MICAL2: variants seen among roughly 807,000 people sequenced by gnomAD.
MICAL2 encodes microtubule associated monooxygenase, calponin and LIM domain containing 2.
MICAL2 carries 77 observed loss-of-function variants against 127.3 expected under a neutral mutation model. The ratio of observed to expected loss-of-function variants is 0.60; its 90% confidence interval spans 0.50 to 0.73. The LOEUF (loss-of-function observed/expected upper bound fraction) is 0.73. MICAL2 is among the 30% of genes least tolerant of loss of function. The pLI, the probability that MICAL2 is intolerant of heterozygous loss-of-function variation, is 0.00. For missense variants in MICAL2, 1,351 were observed against 1,434.4 expected (o/e 0.94, Z 0.94); for synonymous variants, 570 against 551.1 (o/e 1.03, Z -0.48).
chr11:12,191,809 A>G (rs915516598), intron 3 of MICAL2, among the ~76,000 whole-genome samples: 2 of 152,074 alleles, frequency 1.3e-5, no homozygotes, highest in Non-Finnish European at 2.9e-5. Context: ...GGGTTATGAT[A>G]AGCACCATGC....
rs182396108 is a variant in MICAL2, at chr11:12,194,694, G to T, written c.265-9556G>T. On this transcript the variant is annotated intron_variant, in intron 3 of 27. Coordinates refer to ENST00000683283, the MANE Select transcript of MICAL2 (RefSeq NM_001282663.2). The stretch of plus-strand genomic sequence containing the variant: ...ACCCTGTGTCTTTTGTTCTCCAGAA[G>T]AAGATCGCTGGCCAGATCCAGGCCT... Among the ~76,000 whole-genome samples, 26 of 152,158 alleles carry T rather than the reference G, an allele frequency of 1.7e-4. No homozygotes were observed. The East Asian group carries it at 5.0e-3, about 29-fold the overall frequency.
intron 15 of MICAL2, 101 bp from the exon 16 acceptor site, chr11:12,236,076 T>C (rs1232329386): frequency 1.0e-6 from 1 of 969,560 alleles, no homozygotes; most frequent in Admixed American, 1.8e-5. Flanking sequence ...GGACACATCC[T>C]CAGCGCCAGC....
chr11:12,358,325 A>C (rs1470728177), exon 35 of MICAL2: 1 of 1,614,146 alleles, frequency 6.2e-7, no homozygotes, highest in East Asian at 2.2e-5. Context: ...GATCTAAACG[A>C]AGAGCAAGAA....
intron 31 of MICAL2, chr11:12,324,122 G>A (rs1319748711): frequency 4.4e-6 from 7 of 1,575,642 alleles, no homozygotes; most frequent in African/African-American, 1.4e-5. Context: ...AGGATCCTGG[G>A]ACTCTGGATG....
At chr11:12,302,907 A>T (rs942392748) in intron 29 of MICAL2, among the ~76,000 whole-genome samples, 3 of 152,194 alleles carry the variant, frequency 2.0e-5, no homozygotes, top group East Asian at 1.9e-4. Flanking sequence ...GAAATACCTG[A>T]GACTGCATAA....
chr11:12,286,148 G>T (rs76065582), intron 2 of MICAL2, among the ~76,000 whole-genome samples: 1 of 152,148 alleles, frequency 6.6e-6, no homozygotes, highest in Non-Finnish European at 1.5e-5. Context: ...CTGGCAGAGG[G>T]GTCTTCCACA....
upstream of MICAL2, among the ~76,000 whole-genome samples, chr11:12,272,819 C>A (rs114241860): frequency 1.1e-4 from 16 of 151,356 alleles, no homozygotes; most frequent in Non-Finnish European, 2.1e-4. Context: ...TGGCCACCTG[C>A]GACAAGTTCT....
chr11:12,277,698 G>C (rs904794154), intron 1 of MICAL2, among the ~76,000 whole-genome samples: 1 of 152,178 alleles, frequency 6.6e-6, no homozygotes. Context: ...TATAAGACAA[G>C]GTAAGGAGTT....
intron 31 of MICAL2, among the ~76,000 whole-genome samples, chr11:12,325,116 T>G (rs562938889): frequency 6.6e-5 from 10 of 152,188 alleles, no homozygotes; most frequent in Non-Finnish European, 1.5e-4. Flanking sequence ...TGTTTTTTGG[T>G]TTTTTATTTT....
At chr11:12,264,940 C>G (rs1009154086), downstream of MICAL2, among the ~76,000 whole-genome samples, 4 of 152,218 alleles carry the variant, frequency 2.6e-5, no homozygotes, top group Non-Finnish European at 5.9e-5. Flanking sequence ...TAGATGAGAT[C>G]TGTTATATTT....
At chr11:12,184,366 G>T (rs1857886654) in intron 3 of MICAL2, among the ~76,000 whole-genome samples, 2 of 152,144 alleles carry the variant, frequency 1.3e-5, no homozygotes, top group Admixed American at 1.3e-4. Context: ...GTTAAGTACG[G>T]GCATCTGTGT....
At chr11:12,287,735 C>T (rs561059075), downstream of MICAL2, among the ~76,000 whole-genome samples, 6 of 152,328 alleles carry the variant, frequency 3.9e-5, 1 homozygote, top group South Asian at 1.2e-3. Flanking sequence ...GCTGAGGCGG[C>T]AGGCCCTGCC....
chr11:12,213,157 G>A (rs954428), intron 6 of MICAL2, 98 bp from the exon 7 acceptor site: 611,376 of 1,363,014 alleles, frequency 0.45, 147,601 homozygotes, highest in Non-Finnish European at 0.5. Context: ...GGTTTCACTG[G>A]CCTGGGAGGC....
At chr11:12,240,903 GC>G (rs1859830785) in intron 17 of MICAL2, 136 bp from the exon 18 acceptor site, 7 of 1,158,176 alleles carry the variant, frequency 6.0e-6, no homozygotes, top group African/African-American at 1.5e-5. Flanking sequence ...CGGGAGCTCA[GC>G]CCAGTGCTTC....
At chr11:12,130,361 C>T (rs989184067) in intron 1 of MICAL2, among the ~76,000 whole-genome samples, 1 of 152,030 alleles carries the variant, frequency 6.6e-6, no homozygotes, top group African/African-American at 2.4e-5. Flanking sequence ...GGAGCCTGGC[C>T]AGGGGCCTGC....
chr11:12,212,373 G>A (rs1449199158), intron 6 of MICAL2, among the ~76,000 whole-genome samples: 1 of 152,194 alleles, frequency 6.6e-6, no homozygotes, highest in African/African-American at 2.4e-5. Flanking sequence ...GCTACTTGCT[G>A]GCTGAGGTGG....
At chr11:12,241,278 GA>G (rs1859915213) in intron 18 of MICAL2, 116 bp downstream of exon 18, 1 of 1,320,736 alleles carries the variant, frequency 7.6e-7, no homozygotes, top group Admixed American at 2.4e-5. Flanking sequence ...AGATTTTCTG[GA>G]CACACCTTGA....
At chr11:12,184,611 T>C (rs992362256) in intron 3 of MICAL2, among the ~76,000 whole-genome samples, 1 of 152,198 alleles carries the variant, frequency 6.6e-6, no homozygotes, top group Admixed American at 6.5e-5. Context: ...CAATACAGTA[T>C]TAAACCAAGC....
chr11:12,277,368 T>C (rs1007809709), intron 1 of MICAL2, among the ~76,000 whole-genome samples: 1 of 151,842 alleles, frequency 6.6e-6, no homozygotes, highest in Non-Finnish European at 1.5e-5. Context: ...ATTCAACAAG[T>C]GGGGAATAGG....
Sources: allele counts gnomAD v4.1 joint callset (sites outside exome capture counted in the v4.1 genomes callset), GRCh38; gene constraint gnomAD v4.1.1; transcripts MANE v1.5; gene names NCBI Gene and HGNC (gene_info 2026-07-23, HGNC 2026-07-21).